The following MINK1 variants were observed in gnomAD, a reference collection of about 807,000 sequenced individuals.
The protein encoded by MINK1 is misshapen-like kinase 1.
Under a neutral mutation model 178.4 loss-of-function variants are expected in MINK1, and 46 were observed. The observed-to-expected ratio is 0.26, with a 90% CI of 0.20 to 0.33. The LOEUF (loss-of-function observed/expected upper bound fraction) is 0.33, where lower values mean the gene tolerates loss of function less well. MINK1 is among the 10% of genes least tolerant of loss of function. The pLI is 1.00. For missense variants in MINK1, 1,366 were observed against 1,814.9 expected (o/e 0.75, Z 4.49); for synonymous variants, 797 against 709.7 (o/e 1.12, Z -1.96).
At position 4,887,811 on chromosome 17, in the gene MINK1, C is replaced by T. The variant is rs1018756784; in HGVS notation, c.1230+21C>T. The T allele has an allele frequency of 4.1e-6, 6 of 1,470,462 alleles. No individual in the cohort carries two copies. In the African/African-American group the frequency reaches 7.1e-5, roughly 17 times the overall value. The allele number at this position is 1,470,462 out of a possible 1,614,324, so 91.1% of individuals were successfully genotyped here. A position where few individuals can be genotyped will look rare whatever the true frequency, so the allele number is the denominator to read the frequency against. On this transcript the variant is annotated intron_variant, in intron 12 of 31. Coordinates refer to ENST00000355280, the MANE Select transcript of MINK1 (RefSeq NM_153827.5). This position sits in a 1 kb window ranked among gnomAD's most constrained non-coding sequence, Gnocchi z 7.6. Reference sequence around the variant, plus strand: ...AGGAGGTGGGCTGTCTCCGAAGGGCCCAGGCCTGGCGCGGCCTCCTCCTGA... The same window carrying T: ...AGGAGGTGGGCTGTCTCCGAAGGGCTCAGGCCTGGCGCGGCCTCCTCCTGA...
chr17:4,889,757 CG>C lies in MINK1; in HGVS notation c.1342del (p.Glu448SerfsTer64). On this transcript the variant is annotated frameshift_variant, in exon 13 of 32. Coordinates refer to ENST00000355280, the MANE Select transcript of MINK1 (RefSeq NM_153827.5). LOFTEE classifies it high-confidence loss of function. ...AGGAGGAGCGGCGGCAGGCGGAGCG[CG>C]AGCAGGTAGAGCGCCGCACCCGCAT... is the stretch of plus-strand genomic sequence containing the variant. ...REEERRQAEREQEYKRKQLEE... is the reference protein window; with the variant it reads ...REEERRQAERXQEYKRKQLEE... 1 of 1,536,982 alleles carries C rather than the reference CG, an allele frequency of 6.5e-7. No homozygotes were observed. The highest frequency in any genetic ancestry group is 1.4e-5 in the African/African-American group (1 of 72,902).
In MINK1 at chr17:4,897,121, C is replaced by A; in HGVS notation, c.3916-83C>A. On this transcript the variant is annotated intron_variant, in intron 31 of 31. Transcript: ENST00000355280. ...GTGTCTCCCTCAACTCTTCTGCCAC[C>A]CCTTCTTCCCTTCTTTCCCTCTCCC... The A allele has an allele frequency of 3.4e-6, 4 of 1,176,766 alleles. 1 individual carries two copies. The highest frequency in any genetic ancestry group is 4.9e-6 in the Non-Finnish European group (4 of 808,122). The allele number at this position is 1,176,766 out of a possible 1,614,324, so 72.9% of individuals were successfully genotyped here. A position where few individuals can be genotyped will look rare whatever the true frequency, so the allele number is the denominator to read the frequency against.
At position 4,893,514 on chromosome 17, in the gene MINK1, C is replaced by T. The variant is rs376444160; in HGVS notation, c.2481C>T (p.Ser827=). The part of the protein sequence containing the change: ...PKKAMDYSSS[S]EEVESSEDDE... ...AGGCCATGGACTACTCGTCGTCCAG[C>T]GAGGAGGTGGAAAGCAGTGAGGACG... The change falls in exon 21 of 32, where the codon AGC becomes AGT. Residue 827 remains serine, a synonymous_variant. Transcript: ENST00000355280. 18 of 1,599,862 alleles carry T rather than the reference C, an allele frequency of 1.1e-5. No individual in the cohort carries two copies. Among genetic ancestry groups the T allele is most frequent in the East Asian group, 9.0e-5 (4 of 44,446 alleles).
At chr17:4,850,823 G>C (rs939377548) in intron 1 of MINK1, among the ~76,000 whole-genome samples, 10 of 152,172 alleles carry the variant, frequency 6.6e-5, no homozygotes, top group Admixed American at 6.5e-4. Context: ...GCAGCAAGAA[G>C]CCTTATTATT....
intron 1 of MINK1, among the ~76,000 whole-genome samples, chr17:4,862,831 A>G (rs1056273609): frequency 1.3e-5 from 2 of 152,106 alleles, no homozygotes; most frequent in East Asian, 3.9e-4. Flanking sequence ...CAGGAGTTCA[A>G]TACCAGCCTG....
chr17:4,878,406 T>A (rs1380771604), intron 2 of MINK1, 24 bp downstream of exon 2: 1 of 1,531,202 alleles, frequency 6.5e-7, no homozygotes. Context: ...TGTGGAAGTA[T>A]GACCTCCACA....
At position 4,894,501 on chromosome 17, in the gene MINK1, C is replaced by G. The variant is rs752276777; in HGVS notation, c.2809-24C>G. On this transcript the variant is annotated intron_variant, in intron 23 of 31. Transcript: ENST00000355280. This position sits in a 1 kb window ranked among gnomAD's most constrained non-coding sequence, Gnocchi z 4.1. ...CGCAGCTGGACTTGCACTTGTTTGC[C>G]TGACTGCTGTCCCCCTACCACAGTA... The G allele has an allele frequency of 6.4e-7, 1 of 1,567,620 alleles. No homozygotes were observed. The highest frequency in any genetic ancestry group is 8.7e-7 in the Non-Finnish European group (1 of 1,153,896).
chr17:4,839,424 C>T (rs1337182088), intron 1 of MINK1, among the ~76,000 whole-genome samples: 9 of 152,198 alleles, frequency 5.9e-5, no homozygotes, highest in Non-Finnish European at 1.3e-4. Context: ...TACTATCTGT[C>T]TCAGTCTTCT....
intron 13 of MINK1, chr17:4,890,246 G>A: frequency 7.5e-7 from 1 of 1,338,478 alleles, no homozygotes; most frequent in Non-Finnish European, 9.6e-7. Context: ...CAGGCTAGAG[G>A]AGGAGCAGCG....
chr17:4,892,543 C>T lies in MINK1; in HGVS notation c.2198+31C>T, dbSNP rs576586974. 1.4e-5 allele frequency: 22 copies of T among 1,538,906 alleles called. No homozygotes were observed. The South Asian group carries it at 2.2e-4, about 16-fold the overall frequency. On this transcript the variant is annotated intron_variant, in intron 18 of 31. Coordinates refer to ENST00000355280, the MANE Select transcript of MINK1 (RefSeq NM_153827.5). ...AGAGTTGTCCCCCAACTCACTCTCACCTCTCACTTCTGCCACCCGCTTCCC... is the reference window on the plus strand; with the variant it reads ...AGAGTTGTCCCCCAACTCACTCTCATCTCTCACTTCTGCCACCCGCTTCCC...
rs1259316185 is a variant in MINK1 at position 4,836,277 on chromosome 17, T to C, written c.57+2637T>C. On this transcript the variant is annotated intron_variant, in intron 1 of 31. Coordinates refer to ENST00000355280, the MANE Select transcript of MINK1 (RefSeq NM_153827.5). The surrounding 1 kb of genome is among the most constrained non-coding windows in gnomAD (Gnocchi z 4.3). ...GTGTATTTCTCCTCTTGTTTCAAGA[T>C]AAGGCTTGGTTTTCAGCTGGTGATG... Among the ~76,000 whole-genome samples, 1 of 152,176 alleles carries C rather than the reference T, an allele frequency of 6.6e-6. No homozygotes were observed. The highest frequency in any genetic ancestry group is 2.4e-5 in the African/African-American group (1 of 41,438).
chr17:4,839,756 G>T (rs979471047), intron 1 of MINK1, among the ~76,000 whole-genome samples: 1 of 152,172 alleles, frequency 6.6e-6, no homozygotes, highest in Non-Finnish European at 1.5e-5. Flanking sequence ...GGATGGAATT[G>T]TAGTGACCCA....
chr17:4,878,444 A>T lies in MINK1; in HGVS notation c.123+62A>T, dbSNP rs566724471. 3.9e-5 allele frequency: 56 copies of T among 1,425,790 alleles called. No individual in the cohort carries two copies. The South Asian group carries it at 6.7e-4, about 17-fold the overall frequency. 88.3% of individuals were successfully genotyped at this position (1,425,790 alleles called of 1,614,324 possible). A position where few individuals can be genotyped will look rare whatever the true frequency, so the allele number is the denominator to read the frequency against. ...TGCAGGGCAGTCTTGGGAGGAGTGG[A>T]AGGAAGTAGATTCCTGGTCTGCAGG... On this transcript the variant is annotated intron_variant, in intron 2 of 31. Transcript: ENST00000355280.
At position 4,839,165 on chromosome 17, in the gene MINK1, G is replaced by A. The variant is rs542106059; in HGVS notation, c.57+5525G>A. Among the ~76,000 whole-genome samples the A allele has an allele frequency of 3.5e-3, 532 of 152,194 alleles. 4 individuals carry two copies. Among genetic ancestry groups the A allele is most frequent in the African/African-American group, 0.012 (498 of 41,528 alleles). On this transcript the variant is annotated intron_variant, in intron 1 of 31. Coordinates refer to ENST00000355280, the MANE Select transcript of MINK1 (RefSeq NM_153827.5). ...TCACCGTGTTAGCCAGGATGGTCTTGATCTCCTGACCTTGTAATCTGCCCG... is the reference window on the plus strand; with the variant it reads ...TCACCGTGTTAGCCAGGATGGTCTTAATCTCCTGACCTTGTAATCTGCCCG...
chr17:4,865,719 C>CAAA (rs141814055), intron 1 of MINK1, among the ~76,000 whole-genome samples: 1 of 101,592 alleles, frequency 9.8e-6, no homozygotes, highest in African/African-American at 3.5e-5. Flanking sequence ...CCGTCTCTAC[C>CAAA]AAAAAAAAAA....
Position 4,876,750 on chromosome 17 carries a change from C to T in MINK1, c.58-1567C>T, listed in dbSNP as rs560399032. On this transcript the variant is annotated intron_variant, in intron 1 of 31. Transcript: ENST00000355280. ...TTCTGCCTCCGCTCGGTCCCTGCAG[C>T]GGTGGGGACGGGCCCACCCAGTGAA... Among the ~76,000 whole-genome samples, 12 of 152,250 alleles carry T rather than the reference C, an allele frequency of 7.9e-5. No homozygotes were observed. In the South Asian group the frequency reaches 1.5e-3, roughly 18 times the overall value.
At chr17:4,854,209 C>G (rs1411294020) in intron 1 of MINK1, among the ~76,000 whole-genome samples, 2 of 152,124 alleles carry the variant, frequency 1.3e-5, no homozygotes, top group Non-Finnish European at 2.9e-5. Context: ...ATCTGGTCCC[C>G]TCTTCTCCCT....
chr17:4,890,764 A>C (rs543850603), intron 14 of MINK1, 29 bp downstream of exon 14: 1 of 1,538,582 alleles, frequency 6.5e-7, no homozygotes, highest in East Asian at 2.5e-5. Context: ...GCCTCCTGAG[A>C]CTGCAGTCCC....
chr17:4,875,438 G>A (rs1296704065), intron 1 of MINK1: 18 of 452,550 alleles, frequency 4.0e-5, no homozygotes, highest in Admixed American at 3.5e-4. Flanking sequence ...TCATGCCACC[G>A]CACTCCCACC....
Sources: allele counts gnomAD v4.1 joint callset (sites outside exome capture counted in the v4.1 genomes callset), GRCh38; gene constraint gnomAD v4.1.1; non-coding constraint Gnocchi (gnomAD v3.1); transcripts MANE v1.5; gene names NCBI Gene and HGNC (gene_info 2026-07-23, HGNC 2026-07-21).